FLNB: variants seen among roughly 807,000 people sequenced by gnomAD.
FLNB encodes filamin B, also known as filamin-B.
Under a neutral mutation model 250.6 loss-of-function variants are expected in FLNB, and 111 were observed. The ratio of observed to expected loss-of-function variants is 0.44; its 90% confidence interval spans 0.38 to 0.52. FLNB has a LOEUF of 0.52. Ranked by LOEUF, FLNB falls within the 20% of genes least tolerant of loss-of-function variation. The pLI is 0.00. For synonymous variants in FLNB, 1,302 were observed against 1,372.1 expected (o/e 0.95, Z 1.13); for missense variants, 2,869 against 3,447.8 (o/e 0.83, Z 4.20).
At chr3:58,118,216 C>G (rs544651504) in intron 18 of FLNB, among the ~76,000 whole-genome samples, 2 of 152,366 alleles carry the variant, frequency 1.3e-5, no homozygotes, top group East Asian at 1.9e-4. Context: ...TTCACACTTG[C>G]AATTTTATTT....
At chr3:58,013,354 G>A (rs1056196453) in intron 1 of FLNB, among the ~76,000 whole-genome samples, 2 of 152,196 alleles carry the variant, frequency 1.3e-5, no homozygotes, top group South Asian at 4.1e-4. Flanking sequence ...CCAAGACTTC[G>A]GGTCACTAGG....
chr3:58,107,339 A>G (rs1255827075), intron 12 of FLNB, among the ~76,000 whole-genome samples: 1 of 152,144 alleles, frequency 6.6e-6, no homozygotes, highest in African/African-American at 2.4e-5. Context: ...GCCCAGGCCT[A>G]CATTTGAATC....
chr3:58,071,579 T>G (rs2097194670), intron 1 of FLNB, among the ~76,000 whole-genome samples: 1 of 152,144 alleles, frequency 6.6e-6, no homozygotes, highest in African/African-American at 2.4e-5. Flanking sequence ...ATGCCTGGCC[T>G]CTCCTTGATT....
At chr3:58,146,684 TG>T (rs2097336266) in intron 33 of FLNB, 135 bp from the exon 34 acceptor site, 1 of 854,464 alleles carries the variant, frequency 1.2e-6, no homozygotes, top group Middle Eastern at 2.7e-4. Flanking sequence ...GATGTCCCTT[TG>T]CCCACAGCTC....
At chr3:58,118,151 C>T (rs910845233) in intron 18 of FLNB, among the ~76,000 whole-genome samples, 3 of 152,208 alleles carry the variant, frequency 2.0e-5, no homozygotes, top group Non-Finnish European at 4.4e-5. Flanking sequence ...ATGGCTATCG[C>T]GTGCCACCCG....
Position 58,138,462 on chromosome 3 carries a change from C to G in FLNB, c.5042C>G (p.Pro1681Arg), listed in dbSNP as rs780823510. The G allele has an allele frequency of 1.2e-5, 19 of 1,614,056 alleles. No individual in the cohort carries two copies. The East Asian group carries it at 3.8e-4, about 32-fold the overall frequency. ...GACATCTTCTACACAGCTGCCAAGC[C>G]GGGCACATATGTGATCTATGTGCGC... ...TYDIFYTAAK[P>R]GTYVIYVRFG... Residue 1681 changes from proline to arginine, a missense_variant, in exon 29 of 46, where the codon CCG (proline) becomes CGG (arginine). Transcript: ENST00000295956.
intron 21 of FLNB, 148 bp downstream of exon 21, chr3:58,123,838 T>C: frequency 1.5e-6 from 1 of 682,210 alleles, no homozygotes; most frequent in African/African-American, 1.9e-5. Flanking sequence ...CCTCGGGGAG[T>C]AGTTGGGGGG....
intron 24 of FLNB, 119 bp from the exon 25 acceptor site, chr3:58,130,622 G>T: frequency 1.1e-6 from 1 of 909,426 alleles, no homozygotes; most frequent in Non-Finnish European, 1.8e-6. Flanking sequence ...TGAGGCAGGG[G>T]GAGCTGACCG....
At chr3:58,085,811 G>A (rs2097216424) in intron 4 of FLNB, among the ~76,000 whole-genome samples, 1 of 152,170 alleles carries the variant, frequency 6.6e-6, no homozygotes, top group South Asian at 2.1e-4. Context: ...GGTAAGCAAA[G>A]CTCCGCAGAA....
chr3:58,083,489 C>T (rs1405906991), intron 4 of FLNB, among the ~76,000 whole-genome samples: 2 of 151,552 alleles, frequency 1.3e-5, no homozygotes, highest in African/African-American at 4.9e-5. Context: ...GCCTCAGCCT[C>T]CCGAGTAGCT....
chr3:58,099,984 C>T (rs2097246862), intron 8 of FLNB, among the ~76,000 whole-genome samples: 1 of 152,074 alleles, frequency 6.6e-6, no homozygotes, highest in South Asian at 2.1e-4. Flanking sequence ...TCAGCAATTA[C>T]TCTTTTGATG....
In FLNB at chr3:58,081,788, T is replaced by G. The variant is rs1045781125; in HGVS notation, c.787+12T>G. 3 of 1,613,830 alleles carry G rather than the reference T, an allele frequency of 1.9e-6. No homozygotes were observed. The highest frequency in any genetic ancestry group is 2.5e-6 in the Non-Finnish European group (3 of 1,179,858). ...GGCCTATGGCAGAGGTGAGTGCTGG[T>G]CCTCTGGTGTTGTATTGGAGACATG... On this transcript the variant is annotated intron_variant, in intron 4 of 45. Coordinates refer to ENST00000295956, the MANE Select transcript of FLNB (RefSeq NM_001457.4).
chr3:58,132,755 T>TG (rs1469154657), intron 25 of FLNB, 53 bp from the exon 26 acceptor site: 1 of 1,612,442 alleles, frequency 6.2e-7, no homozygotes, highest in East Asian at 2.2e-5. Flanking sequence ...CAGCCAAGGG[T>TG]GGAGTAAAGG....
At chr3:58,167,861 C>T (rs888594059) in intron 43 of FLNB, among the ~76,000 whole-genome samples, 5 of 152,238 alleles carry the variant, frequency 3.3e-5, no homozygotes, top group African/African-American at 7.2e-5. Context: ...ACGCATGCCC[C>T]GTCAGCGGGA....
At chr3:58,125,509 A>C in intron 22 of FLNB, 72 bp from the exon 23 acceptor site, 1 of 1,533,610 alleles carries the variant, frequency 6.5e-7, no homozygotes, top group Non-Finnish European at 9.0e-7. Flanking sequence ...TGAAACTCTG[A>C]AGTAGAGAAT....
rs151323000 is a variant in FLNB, at chr3:58,137,774, C to A, written c.4862-508C>A. Among the ~76,000 whole-genome samples, 7 of 152,294 alleles carry A rather than the reference C, an allele frequency of 4.6e-5. No homozygotes were observed. In the East Asian group the frequency reaches 9.6e-4, roughly 21 times the overall value. On this transcript the variant is annotated intron_variant, in intron 28 of 45. Coordinates refer to ENST00000295956, the MANE Select transcript of FLNB (RefSeq NM_001457.4). The stretch of plus-strand genomic sequence containing the variant: ...GGAAGCCCTTTGTCAGTGCGGCAAC[C>A]CTGGGATATAAATTCTTAGAACCTT...
rs1176655831 is a variant in FLNB, at chr3:58,023,198, A to G, written c.292+14342A>G. Among the ~76,000 whole-genome samples, 9 of 147,718 alleles carry G rather than the reference A, an allele frequency of 6.1e-5. No homozygotes were observed. In the Admixed American group the frequency reaches 6.2e-4, roughly 10 times the overall value. The stretch of plus-strand genomic sequence containing the variant: ...ACTGCAACTTCTGCCTCCTGGGTTC[A>G]AGTGATTCTCCTGCCTCAGCCTCCC... On this transcript the variant is annotated intron_variant, in intron 1 of 45. Coordinates refer to ENST00000295956, the MANE Select transcript of FLNB (RefSeq NM_001457.4).
intron 1 of FLNB, among the ~76,000 whole-genome samples, chr3:58,038,780 C>T (rs116719554): frequency 0.013 from 1,981 of 152,182 alleles, 33 homozygotes; most frequent in Middle Eastern, 0.055. Context: ...TTACTACTTG[C>T]AGGCATCTCC....
At chr3:58,055,934 A>T (rs1485547507) in intron 1 of FLNB, among the ~76,000 whole-genome samples, 1 of 152,198 alleles carries the variant, frequency 6.6e-6, no homozygotes, top group Non-Finnish European at 1.5e-5. Flanking sequence ...TAGCAATGGC[A>T]TAAAGGATAG....
Sources: allele counts gnomAD v4.1 joint callset (sites outside exome capture counted in the v4.1 genomes callset), GRCh38; gene constraint gnomAD v4.1.1; transcripts MANE v1.5; gene names NCBI Gene and HGNC (gene_info 2026-07-23, HGNC 2026-07-21).